The following STIM1 variants were observed in gnomAD, a reference collection of about 807,000 sequenced individuals.
STIM1 encodes stromal interaction molecule 1.
In STIM1, 25 loss-of-function variants were observed where a neutral mutation model predicts 74.7. The ratio of observed to expected loss-of-function variants is 0.33; its 90% CI spans 0.24 to 0.47. STIM1 has a LOEUF of 0.47. Ranked by LOEUF, STIM1 falls within the 20% of genes least tolerant of loss-of-function variation. The pLI is 1.00. For synonymous variants in STIM1, 328 were observed against 348.8 expected (o/e 0.94, Z 0.66); for missense variants, 728 against 920.8 (o/e 0.79, Z 2.71).
chr11:4,076,467 C>G (rs2094437445), intron 7 of STIM1, among the ~76,000 whole-genome samples: 1 of 103,536 alleles, frequency 9.7e-6, no homozygotes, highest in Admixed American at 1.6e-4. Flanking sequence ...GCCTGGGTGA[C>G]AGAGTGAGAC....
chr11:4,048,241 A>G (rs550427158), intron 3 of STIM1, among the ~76,000 whole-genome samples: 1 of 152,316 alleles, frequency 6.6e-6, no homozygotes, highest in Admixed American at 6.5e-5. Context: ...TGGTTTTCAA[A>G]CTTGAAGAAT....
At chr11:3,864,617 C>T (rs2090780071) in intron 1 of STIM1, among the ~76,000 whole-genome samples, 1 of 152,178 alleles carries the variant, frequency 6.6e-6, no homozygotes, top group African/African-American at 2.4e-5. Context: ...ATCATCTAAT[C>T]TTGGAATTGA....
Position 4,082,198 on chromosome 11 carries a change from G to A in STIM1, c.984G>A (p.Leu328=), listed in dbSNP as rs745550786. Residue 328 remains leucine (L), a synonymous_variant, in exon 8 of 13, where the codon TTG becomes TTA. Coordinates refer to ENST00000526596, the MANE Select transcript of STIM1 (RefSeq NM_001382567.1). ...TGGCTGCCTAGGTTCGGGAGGCCTT[G>A]AGGAAAGCAGAGAAGGAGCTAGAAT... ...EEELEQVREA[L]RKAEKELESH... is the part of the protein sequence containing the mutation. 1.2e-6 allele frequency: 2 copies of A among 1,614,110 alleles called. No individual in the cohort carries two copies. The highest frequency in any genetic ancestry group is 2.2e-5 in the South Asian group (2 of 91,070).
At chr11:4,001,255 G>A (rs999375430) in intron 2 of STIM1, among the ~76,000 whole-genome samples, 3 of 151,282 alleles carry the variant, frequency 2.0e-5, no homozygotes, top group Admixed American at 6.6e-5. Context: ...GATACTCCTC[G>A]AGAAGAGCAA....
chr11:3,965,445 T>A (rs2093330368), intron 1 of STIM1, among the ~76,000 whole-genome samples: 1 of 152,240 alleles, frequency 6.6e-6, no homozygotes, highest in African/African-American at 2.4e-5. Flanking sequence ...TCACAGGGCC[T>A]GATATATGAA....
intron 10 of STIM1, among the ~76,000 whole-genome samples, chr11:4,084,036 G>C (rs1046973379): frequency 2.0e-5 from 3 of 152,072 alleles, no homozygotes; most frequent in Non-Finnish European, 4.4e-5. Context: ...AGCATGTCTG[G>C]CTTTCCACCT....
chr11:3,991,968 A>AG (rs1329257141), intron 2 of STIM1, among the ~76,000 whole-genome samples: 21 of 108,416 alleles, frequency 1.9e-4, no homozygotes, highest in Non-Finnish European at 3.9e-4. Flanking sequence ...AAAAAAAAAA[A>AG]AAAAGAAAAA....
intron 2 of STIM1, among the ~76,000 whole-genome samples, chr11:3,984,319 G>T (rs1300462374): frequency 6.6e-6 from 1 of 152,030 alleles, no homozygotes; most frequent in Non-Finnish European, 1.5e-5. Context: ...CTGTATCCTG[G>T]TGCAGTCATC....
intron 3 of STIM1, among the ~76,000 whole-genome samples, chr11:4,040,108 A>T (rs1206817022): frequency 6.6e-6 from 1 of 152,034 alleles, no homozygotes; most frequent in African/African-American, 2.4e-5. Flanking sequence ...TTTATATTTT[A>T]ATGCTGTAGT....
chr11:4,058,833 T>C (rs959015133), intron 4 of STIM1: 20 of 1,018,260 alleles, frequency 2.0e-5, no homozygotes, highest in Non-Finnish European at 2.4e-5. Flanking sequence ...CAGGTTTATA[T>C]ATAATGACAG....
rs200659679 is a variant in STIM1 at position 4,055,645 on chromosome 11, G to T, written c.497+8G>T. On this transcript the variant is annotated splice_region_variant and intron_variant, in intron 4 of 12. Transcript: ENST00000526596. ...TGGCCATGCCATGCCAAGGTCAGGA[G>T]GGGACTGGGTTTTTCTCTGTTGAGG... 6.4e-7 allele frequency: 1 copy of T among 1,570,198 alleles called. No homozygotes were observed. The highest frequency in any genetic ancestry group is 2.3e-4 in the Middle Eastern group (1 of 4,382).
chr11:3,909,754 T>C (rs981547266), intron 1 of STIM1, among the ~76,000 whole-genome samples: 4 of 146,922 alleles, frequency 2.7e-5, no homozygotes, highest in African/African-American at 7.6e-5. Context: ...ATCCTGGCAC[T>C]GCACTCCAGC....
intron 3 of STIM1, among the ~76,000 whole-genome samples, chr11:4,041,317 T>C (rs949951161): frequency 2.6e-5 from 4 of 152,188 alleles, no homozygotes; most frequent in Non-Finnish European, 5.9e-5. Flanking sequence ...CATATTCACC[T>C]CTGTGCTGGT....
intron 1 of STIM1, among the ~76,000 whole-genome samples, chr11:3,869,632 G>C (rs2091003782): frequency 6.6e-6 from 1 of 152,216 alleles, no homozygotes; most frequent in Admixed American, 6.5e-5. Flanking sequence ...AGCTGTGCCA[G>C]AGAGTACCAT....
intron 1 of STIM1, among the ~76,000 whole-genome samples, chr11:3,884,886 A>G (rs2091646775): frequency 6.6e-6 from 1 of 152,190 alleles, no homozygotes; most frequent in Non-Finnish European, 1.5e-5. Context: ...TGAAAACATT[A>G]TGCTAAGTGA....
intron 1 of STIM1, among the ~76,000 whole-genome samples, chr11:3,895,634 CTT>C (rs1554954320): frequency 5.7e-4 from 4 of 6,992 alleles, no homozygotes; most frequent in African/African-American, 1.2e-3. Context: ...TTCTTTCTTT[CTT>C]TCTTTCTTTC....
At chr11:3,990,092 C>T (rs1179533159) in intron 2 of STIM1, among the ~76,000 whole-genome samples, 2 of 152,218 alleles carry the variant, frequency 1.3e-5, no homozygotes, top group African/African-American at 4.8e-5. Flanking sequence ...AATCTACTTT[C>T]TCTTTCTGTA....
At chr11:4,090,102 G>A in intron 12 of STIM1, among the ~76,000 whole-genome samples, 1 of 152,176 alleles carries the variant, frequency 6.6e-6, no homozygotes, top group East Asian at 1.9e-4. Context: ...ACTCAGCCTT[G>A]CAAAGAAGCC....
intron 1 of STIM1, among the ~76,000 whole-genome samples, chr11:3,963,690 G>A (rs1342232862): frequency 6.6e-6 from 1 of 152,164 alleles, no homozygotes; most frequent in African/African-American, 2.4e-5. Context: ...TGCTGTTGGG[G>A]ACATGGTACC....
Sources: allele counts gnomAD v4.1 joint callset (sites outside exome capture counted in the v4.1 genomes callset), GRCh38; gene constraint gnomAD v4.1.1; transcripts MANE v1.5; gene names NCBI Gene and HGNC (gene_info 2026-07-23, HGNC 2026-07-21).